EPM2A: variants seen among roughly 807,000 people sequenced by gnomAD.
The protein encoded by EPM2A is EPM2A glucan phosphatase, laforin.
EPM2A carries 21 observed loss-of-function variants against 26.5 expected under a neutral mutation model. That is an observed-to-expected ratio of 0.79 (90% CI 0.56 to 1.14). The LOEUF (loss-of-function observed/expected upper bound fraction) is 1.14. Among genes scored for constraint, EPM2A ranks in the 50% most tolerant of loss-of-function variants. The pLI is 0.00. For synonymous variants in EPM2A, 217 were observed against 177.6 expected (o/e 1.22, Z -1.76); for missense variants, 458 against 440.8 (o/e 1.04, Z -0.35).
At chr6:145,456,707 A>G (rs1044175631) in intron 4 of EPM2A, among the ~76,000 whole-genome samples, 1 of 152,186 alleles carries the variant, frequency 6.6e-6, no homozygotes, top group African/African-American at 2.4e-5. Context: ...AAATTGCAGG[A>G]ATTTGGTTTT....
At chr6:145,453,208 T>C (rs879607546) in intron 4 of EPM2A, among the ~76,000 whole-genome samples, 2 of 152,210 alleles carry the variant, frequency 1.3e-5, no homozygotes, top group African/African-American at 2.4e-5. Context: ...CAGCGTAATG[T>C]CATCTTTAAG....
chr6:145,660,105 T>C (rs558374762), intron 2 of EPM2A, among the ~76,000 whole-genome samples: 6 of 152,184 alleles, frequency 3.9e-5, no homozygotes, highest in Non-Finnish European at 5.9e-5. Flanking sequence ...AAGATCTTCA[T>C]AGTAATACAT....
At chr6:145,722,759 G>T (rs1407056381) in intron 1 of EPM2A, 2 of 453,908 alleles carry the variant, frequency 4.4e-6, no homozygotes, top group Non-Finnish European at 4.4e-6. Context: ...GTAATTAGGG[G>T]TGGCCCCAAT....
At chr6:145,419,189 C>CCCCA (rs1554235094) in intron 4 of EPM2A, among the ~76,000 whole-genome samples, 1 of 150,276 alleles carries the variant, frequency 6.7e-6, no homozygotes, top group Non-Finnish European at 1.5e-5. Flanking sequence ...GTCCCCCCCC[C>CCCCA]CCGCTCCTTT....
At chr6:145,644,463 A>T (rs978887573) in intron 2 of EPM2A, among the ~76,000 whole-genome samples, 75 of 152,236 alleles carry the variant, frequency 4.9e-4, no homozygotes, top group African/African-American at 1.7e-3. Flanking sequence ...TTTTTTTTAT[A>T]TATGGATGCT....
At chr6:145,560,165 T>C (rs1780784778) in intron 2 of EPM2A, among the ~76,000 whole-genome samples, 2 of 152,062 alleles carry the variant, frequency 1.3e-5, no homozygotes, top group African/African-American at 4.8e-5. Context: ...AAAATCCACA[T>C]AGAATGAACA....
At chr6:145,692,501 T>C (rs546222547) in intron 1 of EPM2A, among the ~76,000 whole-genome samples, 185 of 152,126 alleles carry the variant, frequency 1.2e-3, no homozygotes, top group Non-Finnish European at 1.7e-3. Context: ...ACAAATTGTG[T>C]TTTCTGACAT....
chr6:145,505,113 G>A (rs1428519303), intron 2 of EPM2A, among the ~76,000 whole-genome samples: 1 of 114,330 alleles, frequency 8.7e-6, no homozygotes, highest in African/African-American at 3.3e-5. Context: ...GGGGAGGGGG[G>A]AGGGATAGCA....
At chr6:145,642,732 TC>T (rs549848842) in intron 2 of EPM2A, among the ~76,000 whole-genome samples, 6 of 152,080 alleles carry the variant, frequency 3.9e-5, no homozygotes, top group Non-Finnish European at 7.4e-5. Flanking sequence ...ATACCCAAAG[TC>T]CTTTTTAAAG....
intron 4 of EPM2A, among the ~76,000 whole-genome samples, chr6:145,390,038 G>C (rs1034253066): frequency 1.3e-5 from 2 of 152,208 alleles, no homozygotes; most frequent in Non-Finnish European, 2.9e-5. Context: ...AACAGACAGA[G>C]AGAGACACAG....
intron 4 of EPM2A, among the ~76,000 whole-genome samples, chr6:145,467,596 T>C (rs1292372392): frequency 1.3e-5 from 2 of 152,182 alleles, no homozygotes; most frequent in African/African-American, 4.8e-5. Flanking sequence ...TTCTCTTTAA[T>C]TGAACTTTAA....
At chr6:145,492,340 G>T (rs760018369) in intron 4 of EPM2A, among the ~76,000 whole-genome samples, 5 of 152,150 alleles carry the variant, frequency 3.3e-5, no homozygotes, top group African/African-American at 1.2e-4. Flanking sequence ...AATTCTGTGC[G>T]GCCCCCACAG....
chr6:145,670,056 T>C (rs1227092347), intron 2 of EPM2A, among the ~76,000 whole-genome samples: 1 of 152,202 alleles, frequency 6.6e-6, no homozygotes, highest in Non-Finnish European at 1.5e-5. Context: ...TTTATTCTCC[T>C]GGTTCGGTTC....
intron 1 of EPM2A, among the ~76,000 whole-genome samples, chr6:145,726,491 G>C (rs1040038859): frequency 6.6e-6 from 1 of 151,986 alleles, no homozygotes; most frequent in Non-Finnish European, 1.5e-5. Flanking sequence ...TGGAAATATG[G>C]GGAAAACACA....
intron 2 of EPM2A, among the ~76,000 whole-genome samples, chr6:145,596,011 C>T (rs1487681135): frequency 6.6e-6 from 1 of 152,062 alleles, no homozygotes; most frequent in African/African-American, 2.4e-5. Flanking sequence ...AAAATGTTAA[C>T]CCAAAACAGT....
Position 145,686,160 on chromosome 6 carries a change from A to G in EPM2A, c.438T>C (p.Tyr146=). ...TNEMKHTTDF[Y]FNIAGHQAMH... is the part of the protein sequence containing the mutation. Reference sequence around the variant, plus strand: ...TGGCTTGGTGGCCTGCAATATTAAAATAGAAGTCTGTTGTGTGCTTCATTT... The same window carrying G: ...TGGCTTGGTGGCCTGCAATATTAAAGTAGAAGTCTGTTGTGTGCTTCATTT... The change falls in exon 2 of 4, where the codon TAT becomes TAC. Residue 146 remains tyrosine, a synonymous_variant. Coordinates refer to ENST00000367519, the MANE Select transcript of EPM2A (RefSeq NM_005670.4). The G allele has an allele frequency of 6.2e-7, 1 of 1,614,026 alleles. No individual in the cohort carries two copies. The highest frequency in any genetic ancestry group is 8.5e-7 in the Non-Finnish European group (1 of 1,179,942).
chr6:145,456,943 C>T (rs550138628), intron 4 of EPM2A, among the ~76,000 whole-genome samples: 2 of 152,052 alleles, frequency 1.3e-5, no homozygotes, highest in South Asian at 4.2e-4. Context: ...AAAAGTAAGA[C>T]AACGGTATAA....
intron 4 of EPM2A, among the ~76,000 whole-genome samples, chr6:145,443,546 T>C (rs1168245573): frequency 6.6e-6 from 1 of 152,212 alleles, no homozygotes; most frequent in East Asian, 1.9e-4. Context: ...GCTGTTACTG[T>C]ATAGGAATGC....
intron 2 of EPM2A, among the ~76,000 whole-genome samples, chr6:145,608,942 T>G (rs1262660465): frequency 6.6e-6 from 1 of 152,174 alleles, no homozygotes; most frequent in African/African-American, 2.4e-5. Flanking sequence ...AGAAAACTAC[T>G]CAGGAAATTG....
Sources: gnomAD v4.1 joint callset for allele counts (sites outside exome capture counted in the v4.1 genomes callset) on GRCh38, gnomAD v4.1.1 for gene constraint, MANE v1.5 for transcripts, NCBI Gene and HGNC (gene_info 2026-07-23, HGNC 2026-07-21) for gene names.